KNDC1: variants seen among roughly 807,000 people sequenced by gnomAD.
KNDC1 encodes kinase non-catalytic C-lobe domain-containing protein 1.
A neutral mutation model predicts 172.8 loss-of-function variants in KNDC1; 106 were observed. The ratio of observed to expected loss-of-function variants is 0.61; its 90% CI spans 0.52 to 0.72. KNDC1 has a LOEUF of 0.72. Ranked by LOEUF, KNDC1 falls within the 30% of genes least tolerant of loss-of-function variation. The pLI is 0.00. For synonymous variants in KNDC1, 1,083 were observed against 1,062.2 expected, an observed-to-expected ratio of 1.02 and a Z score of -0.38; for missense variants, 2,325 against 2,394.5, an observed-to-expected ratio of 0.97 and a Z score of 0.61.
At position 133,186,560 on chromosome 10, in the gene KNDC1, GC is replaced by G; in HGVS notation, c.1214del (p.Pro405GlnfsTer118). On this transcript the variant is annotated frameshift_variant, in exon 6 of 30. Transcript: ENST00000304613. LOFTEE classifies it high-confidence loss of function. ...QPETSHPSQG[P>X]AEAPADPRDA... ...CCGAGACTTCACACCCCAGCCAGGG[GC>G]CAGCAGAGGCCCCTGCAGACCCTCG... The G allele has an allele frequency of 6.2e-7, 1 of 1,609,950 alleles. No individual in the cohort carries two copies. Among genetic ancestry groups the G allele is most frequent in the Non-Finnish European group, 8.5e-7 (1 of 1,179,914 alleles).
chr10:133,217,984 C>T (rs750858957), intron 26 of KNDC1, among the ~76,000 whole-genome samples: 16 of 149,722 alleles, frequency 1.1e-4, no homozygotes, highest in Admixed American at 7.3e-4. Context: ...CACTTGAACC[C>T]GGGAGGTGGA....
intron 1 of KNDC1, among the ~76,000 whole-genome samples, chr10:133,162,534 C>T (rs1331284838): frequency 1.3e-5 from 2 of 152,252 alleles, no homozygotes; most frequent in Non-Finnish European, 2.9e-5. Flanking sequence ...TATGGACACC[C>T]ACCGGAGCCC....
Position 133,202,640 on chromosome 10 carries a change from C to T in KNDC1, c.3387+742C>T, listed in dbSNP as rs1423380155. 8.8e-6 allele frequency: 4 copies of T among 456,602 alleles called. No homozygotes were observed. The Admixed American group carries it at 9.4e-5, about 11-fold the overall frequency. The allele number at this position is 456,602 out of a possible 1,614,324, so 28.3% of individuals were successfully genotyped here. On this transcript the variant is annotated intron_variant, in intron 17 of 29. Transcript: ENST00000304613. ...TGGGAAGCCTCCCCCAGCCTCTGGG[C>T]ATCGGAGCCCTTCCTGGGGCTCCTC...
At chr10:133,181,861 C>CACACACACACACACACA (rs33923925) in intron 3 of KNDC1, among the ~76,000 whole-genome samples, 1 of 151,378 alleles carries the variant, frequency 6.6e-6, no homozygotes, top group Admixed American at 6.6e-5. Context: ...CACACACACA[C>CACACACACACACACACA]CAGACTGTGG....
intron 21 of KNDC1, among the ~76,000 whole-genome samples, chr10:133,210,976 G>A (rs1245239234): frequency 6.6e-6 from 1 of 152,114 alleles, no homozygotes; most frequent in Non-Finnish European, 1.5e-5. Flanking sequence ...GGGAGTCGGG[G>A]TCTCTTCCTG....
intron 17 of KNDC1, among the ~76,000 whole-genome samples, chr10:133,205,884 A>T (rs943116164): frequency 2.6e-5 from 4 of 152,130 alleles, no homozygotes; most frequent in Admixed American, 6.6e-5. Context: ...AATAAAAAAT[A>T]AAATAAAATT....
In KNDC1 at chr10:133,209,560, G is replaced by C. The variant is rs1261167315; in HGVS notation, c.3795-1051G>C. Among the ~76,000 whole-genome samples, 1 of 151,710 alleles carries C rather than the reference G, an allele frequency of 6.6e-6. No homozygotes were observed. The highest frequency in any genetic ancestry group is 2.4e-5 in the African/African-American group (1 of 41,246). On this transcript the variant is annotated intron_variant, in intron 20 of 29. Transcript: ENST00000304613. This position sits in a 1 kb window ranked among gnomAD's most constrained non-coding sequence, Gnocchi z 4.9. The stretch of plus-strand genomic sequence containing the variant: ...TGTGCGCGTCTGGTTGTCGAGTTCT[G>C]TGTGGCTTTGTCCACGTGTGTGGCG...
intron 17 of KNDC1, among the ~76,000 whole-genome samples, chr10:133,205,876 TAAAAA>T (rs1235630458): frequency 6.6e-6 from 1 of 150,938 alleles, no homozygotes; most frequent in Non-Finnish European, 1.5e-5. Flanking sequence ...TCTCAAAAAA[TAAAAA>T]ATAAAATAAA....
At position 133,221,830 on chromosome 10, in the gene KNDC1, TA is replaced by T. The variant is rs1845594908; in HGVS notation, c.5018+1719del. 1.0e-3 allele frequency among the ~76,000 whole-genome samples: 123 copies of T among 118,984 alleles called. 4 individuals carry two copies. The highest frequency in any genetic ancestry group is 2.4e-3 in the South Asian group (7 of 2,960). The allele number at this position is 118,984 out of a possible 152,430, so 78.1% of individuals were successfully genotyped here. ...GGCGGCTCACGCCTGTAACCCTAGG[TA>T]GGCCGGGCTGGGTGCAGCCACTCAC... On this transcript the variant is annotated intron_variant, in intron 29 of 29. Coordinates refer to ENST00000304613, the MANE Select transcript of KNDC1 (RefSeq NM_152643.8).
At chr10:133,183,635 G>T in intron 4 of KNDC1, 145 bp downstream of exon 4, 1 of 1,077,948 alleles carries the variant, frequency 9.3e-7, no homozygotes, top group African/African-American at 1.6e-5. Flanking sequence ...CTTAAAGGAG[G>T]ACTTGGTTTT....
At chr10:133,181,534 C>T (rs909365749) in intron 3 of KNDC1, among the ~76,000 whole-genome samples, 2 of 152,178 alleles carry the variant, frequency 1.3e-5, no homozygotes, top group African/African-American at 2.4e-5. Context: ...GGCCAGCGGC[C>T]GGGGGCCTGG....
At position 133,220,030 on chromosome 10, in the gene KNDC1, C is replaced by A; in HGVS notation, c.4936C>A (p.His1646Asn). Residue 1646 changes from histidine to asparagine, a missense_variant, in exon 29 of 30, where the codon CAC becomes AAC. His to Asn is a moderately conservative substitution (Grantham distance 68). Coordinates refer to ENST00000304613, the MANE Select transcript of KNDC1 (RefSeq NM_152643.8). ...GGCGCAGCCCACCCTGCCCTCGGCC[C>A]ACCTCCTGGCCATGCACATCCAGCA... is the stretch of plus-strand genomic sequence containing the variant. ...FRAQPTLPSA[H>N]LLAMHIQQLE... is the part of the protein sequence containing the mutation. 1 of 1,556,450 alleles carries A rather than the reference C, an allele frequency of 6.4e-7. No individual in the cohort carries two copies. Among genetic ancestry groups the A allele is most frequent in the South Asian group, 1.2e-5 (1 of 84,464 alleles).
At chr10:133,217,383 G>C (rs1845487831) in intron 26 of KNDC1, among the ~76,000 whole-genome samples, 3 of 152,272 alleles carry the variant, frequency 2.0e-5, no homozygotes. Flanking sequence ...GGTGAGCCCA[G>C]GATCACATGA....
intron 9 of KNDC1, among the ~76,000 whole-genome samples, chr10:133,190,657 C>T (rs1036904635): frequency 6.6e-6 from 1 of 152,242 alleles, no homozygotes; most frequent in African/African-American, 2.4e-5. Context: ...TCTAGAGAAA[C>T]TCGGAATGGT....
In KNDC1 at chr10:133,224,914, T is replaced by C. The variant is rs778261630; in HGVS notation, c.*24T>C. The C allele has an allele frequency of 6.3e-7, 1 of 1,581,704 alleles. No individual in the cohort carries two copies. Among genetic ancestry groups the C allele is most frequent in the Non-Finnish European group, 8.7e-7 (1 of 1,152,758 alleles). On this transcript the variant is annotated 3_prime_UTR_variant, in exon 30 of 30. Coordinates refer to ENST00000304613, the MANE Select transcript of KNDC1 (RefSeq NM_152643.8). This position sits in a 1 kb window ranked among gnomAD's most constrained non-coding sequence, Gnocchi z 5.4. ...AGCCGAGCTCGGGCCTGGTGTGGAATTCCAGATCCGAATCCGACTGTGGGG... is the reference window on the plus strand; with the variant it reads ...AGCCGAGCTCGGGCCTGGTGTGGAACTCCAGATCCGAATCCGACTGTGGGG...
intron 29 of KNDC1, among the ~76,000 whole-genome samples, chr10:133,222,444 G>A (rs71503786): frequency 0.22 from 20,971 of 95,690 alleles, 3,331 homozygotes; most frequent in Middle Eastern, 0.27. Flanking sequence ...TGCTCTTCCC[G>A]GCGTGTGTGT....
rs761196840 is a variant in KNDC1, at chr10:133,198,884, G to C, written c.2376G>C (p.Leu792=). 4.4e-6 allele frequency: 7 copies of C among 1,594,480 alleles called. No homozygotes were observed. In the East Asian group the frequency reaches 1.6e-4, roughly 36 times the overall value. The part of the protein sequence containing the change: ...VPAPPTKASA[L]PVEQGPAEPI... ...CCCCGCCCACGAAGGCATCTGCGCT[G>C]CCCGTAGAGCAAGGGCCGGCTGAGC... The change falls in exon 14 of 30, where the codon CTG becomes CTC. Residue 792 remains leucine, a synonymous_variant. Coordinates refer to ENST00000304613, the MANE Select transcript of KNDC1 (RefSeq NM_152643.8).
Position 133,182,463 on chromosome 10 carries a change from A to G in KNDC1, c.361-881A>G, listed in dbSNP as rs111711667. Among the ~76,000 whole-genome samples, 363 of 145,296 alleles carry G rather than the reference A, an allele frequency of 2.5e-3. 2 individuals carry two copies. The highest frequency in any genetic ancestry group is 9.3e-3 in the African/African-American group (325 of 35,122). On this transcript the variant is annotated intron_variant, in intron 3 of 29. Transcript: ENST00000304613. ...CCTGGGTCAGGTCCTGGCTCCACAC[A>G]TGAGCTGTGTGACCTGCGATGTGGC...
chr10:133,186,951 C>G (rs1564884834), intron 6 of KNDC1, among the ~76,000 whole-genome samples: 2 of 152,170 alleles, frequency 1.3e-5, no homozygotes, highest in Non-Finnish European at 2.9e-5. Context: ...GCTCCTCACA[C>G]AGCCCCGCAC....
Sources: gnomAD v4.1 joint callset for allele counts (sites outside exome capture counted in the v4.1 genomes callset) on GRCh38, gnomAD v4.1.1 for gene constraint, Gnocchi (gnomAD v3.1) non-coding constraint, MANE v1.5 for transcripts, NCBI Gene and HGNC (gene_info 2026-07-23, HGNC 2026-07-21) for gene names.